The following UBAP2 variants were observed in gnomAD, a reference collection of about 807,000 sequenced individuals.
The protein encoded by UBAP2 is ubiquitin associated protein 2.
Under a neutral mutation model 139.6 loss-of-function variants are expected in UBAP2, and 75 were observed. That is an observed-to-expected ratio of 0.54 (90% CI 0.45 to 0.65). UBAP2 has a LOEUF of 0.65. Among genes scored for constraint, UBAP2 ranks in the 30% least tolerant of loss-of-function variants. UBAP2 has a pLI of 0.00. For synonymous variants in UBAP2, 526 were observed against 526.2 expected (o/e 1.00, Z 0.01); for missense variants, 1,368 against 1,369.6 (o/e 1.00, Z 0.02).
chr9:33,945,037 G>A (rs1168030942), intron 13 of UBAP2, among the ~76,000 whole-genome samples: 2 of 152,000 alleles, frequency 1.3e-5, no homozygotes, highest in Admixed American at 6.6e-5. Flanking sequence ...GGCTGAGGTG[G>A]GAGGATTGCT....
chr9:34,033,518 T>C (rs1826062369), intron 1 of UBAP2, among the ~76,000 whole-genome samples: 1 of 151,770 alleles, frequency 6.6e-6, no homozygotes, highest in Non-Finnish European at 1.5e-5. Context: ...AGTACAAAAA[T>C]AATAAGACCC....
Position 33,945,770 on chromosome 9 carries a change from C to T in UBAP2, c.1271-1131G>A, listed in dbSNP as rs79589007. On this transcript the variant is annotated intron_variant, in intron 13 of 28. Coordinates refer to ENST00000379238, the MANE Select transcript of UBAP2 (RefSeq NM_001370062.2). The stretch of plus-strand genomic sequence containing the variant: ...AATGTTCAAAGAGCTACTTCATACT[C>T]ATTTTGGTGACTACACAGAAATCTA... Among the ~76,000 whole-genome samples, 36 of 152,310 alleles carry T rather than the reference C, an allele frequency of 2.4e-4. 1 individual carries two copies. The East Asian group carries it at 6.9e-3, about 29-fold the overall frequency.
chr9:34,048,239 C>G lies in UBAP2; in HGVS notation c.-42+586G>C, dbSNP rs148124568. ...TCAAAAACCTACATTAAATAATGAA[C>G]TGTGATATAACCAGACTACAGGAAC... On this transcript the variant is annotated intron_variant, in intron 1 of 28. Transcript: ENST00000379238. Among the ~76,000 whole-genome samples, 214 of 152,314 alleles carry G rather than the reference C, an allele frequency of 1.4e-3. 1 individual carries two copies. The highest frequency in any genetic ancestry group is 4.6e-3 in the African/African-American group (190 of 41,562).
rs193209130 is a variant in UBAP2, at chr9:34,010,998, G to A, written c.99+6052C>T. Among the ~76,000 whole-genome samples the A allele has an allele frequency of 9.4e-3, 1,424 of 152,052 alleles. 9 individuals carry two copies. The highest frequency in any genetic ancestry group is 0.014 in the Non-Finnish European group (975 of 67,996). On this transcript the variant is annotated intron_variant, in intron 2 of 28. Coordinates refer to ENST00000379238, the MANE Select transcript of UBAP2 (RefSeq NM_001370062.2). The stretch of plus-strand genomic sequence containing the variant: ...ACCAGGAACAAATAATGACCCTAAA[G>A]GCAAGAATATTTAAACTTGAAAACT...
chr9:33,958,632 T>G (rs1166887036), intron 10 of UBAP2, among the ~76,000 whole-genome samples: 1 of 150,038 alleles, frequency 6.7e-6, no homozygotes, highest in Admixed American at 6.6e-5. Flanking sequence ...TGTCTTGAAC[T>G]CCTGACCTCA....
Position 34,027,778 on chromosome 9 carries a change from G to A in UBAP2, c.-41-10589C>T, listed in dbSNP as rs950723438. Among the ~76,000 whole-genome samples, 4 of 151,202 alleles carry A rather than the reference G, an allele frequency of 2.6e-5. No homozygotes were observed. The Admixed American group carries it at 2.7e-4, about 10-fold the overall frequency. ...CAGGAGACTGAGGCAGGAGAATGGT[G>A]TGAACCTGGGAGGCAAGAGCTTGCA... On this transcript the variant is annotated intron_variant, in intron 1 of 28. Transcript: ENST00000379238.
chr9:34,013,152 C>CAA (rs398010658), intron 2 of UBAP2, among the ~76,000 whole-genome samples: 1,575 of 77,858 alleles, frequency 0.02, 37 homozygotes, highest in Non-Finnish European at 0.026. Context: ...GACTCTAGCT[C>CAA]AAAAAAAAAA....
chr9:33,973,689 G>A (rs529802571), intron 6 of UBAP2, among the ~76,000 whole-genome samples: 1 of 152,140 alleles, frequency 6.6e-6, no homozygotes, highest in Non-Finnish European at 1.5e-5. Context: ...GAACAAGCAA[G>A]CAAGAAGAGA....
intron 17 of UBAP2, chr9:33,935,191 A>G (rs1341966389): frequency 3.5e-5 from 5 of 141,172 alleles, no homozygotes; most frequent in African/African-American, 1.3e-4. Flanking sequence ...TTTTCTCCCA[A>G]ATGTCCACAG....
intron 1 of UBAP2, among the ~76,000 whole-genome samples, chr9:34,036,692 A>G (rs1052664311): frequency 2.0e-5 from 3 of 152,108 alleles, no homozygotes; most frequent in Non-Finnish European, 4.4e-5. Context: ...GTGAACACCT[A>G]TAGAGTAGCA....
intron 6 of UBAP2, among the ~76,000 whole-genome samples, chr9:33,974,977 T>C (rs1828195214): frequency 6.6e-6 from 1 of 151,744 alleles, no homozygotes; most frequent in South Asian, 2.1e-4. Flanking sequence ...GACTTGAATA[T>C]GGATTTCTCC....
intron 4 of UBAP2, among the ~76,000 whole-genome samples, chr9:33,992,667 G>T (rs1031251010): frequency 7.6e-6 from 1 of 132,428 alleles, no homozygotes; most frequent in Admixed American, 8.1e-5. Context: ...GAGGGGGGGG[G>T]GCACAAATAG....
rs200331065 is a variant in UBAP2 at position 33,956,098 on chromosome 9, G to T, written c.847C>A (p.His283Asn). 1,101 of 1,613,388 alleles carry T rather than the reference G, an allele frequency of 6.8e-4. No individual in the cohort carries two copies. The highest frequency in any genetic ancestry group is 9.0e-4 in the Non-Finnish European group (1,058 of 1,179,688). ...FTASSAPAEN[H>N]ILPGQSIDLV... is the part of the protein sequence containing the mutation. ...ATTTACCTTTGCCCAGGTAAGATGT[G>T]ATTCTCTGCTGGAGCAGATGAGGCA... The change falls in exon 11 of 29, where the codon CAC (histidine) becomes AAC (asparagine). Residue 283 changes from histidine (H) to asparagine (N), a missense_variant. By Grantham distance (68) the His-to-Asn change is moderately conservative (BLOSUM62 1). Coordinates refer to ENST00000379238, the MANE Select transcript of UBAP2 (RefSeq NM_001370062.2).
chr9:33,956,039 T>C, intron 11 of UBAP2, 40 bp downstream of exon 11: 7 of 1,490,666 alleles, frequency 4.7e-6, no homozygotes, highest in Non-Finnish European at 6.4e-6. Flanking sequence ...ATTTCTGTAA[T>C]GCTTTGAATA....
intron 8 of UBAP2, among the ~76,000 whole-genome samples, chr9:33,965,579 A>G (rs1827383035): frequency 6.6e-6 from 1 of 152,176 alleles, no homozygotes; most frequent in Admixed American, 6.5e-5. Context: ...TTCAGGTTTC[A>G]TGTTTAAGTG....
intron 4 of UBAP2, among the ~76,000 whole-genome samples, chr9:33,993,394 G>T (rs560804675): frequency 2.0e-5 from 3 of 152,322 alleles, no homozygotes; most frequent in Admixed American, 6.5e-5. Flanking sequence ...CTAGGTAAGA[G>T]ATGAGGCAAA....
At chr9:34,037,431 A>G (rs1826534609) in intron 1 of UBAP2, among the ~76,000 whole-genome samples, 1 of 152,182 alleles carries the variant, frequency 6.6e-6, no homozygotes, top group South Asian at 2.1e-4. Context: ...CACTGCGCCC[A>G]GCCCATATAC....
At chr9:34,019,044 C>T (rs1444267417) in intron 1 of UBAP2, among the ~76,000 whole-genome samples, 1 of 152,092 alleles carries the variant, frequency 6.6e-6, no homozygotes, top group Admixed American at 6.6e-5. Flanking sequence ...GATATTCTAA[C>T]ACATGCTACC....
At chr9:33,988,619 T>C (rs1245852406) in intron 5 of UBAP2, among the ~76,000 whole-genome samples, 1 of 152,170 alleles carries the variant, frequency 6.6e-6, no homozygotes, top group Non-Finnish European at 1.5e-5. Context: ...CATTCTAAAA[T>C]TAACAAATGT....
Sources: gnomAD v4.1 joint callset for allele counts (sites outside exome capture counted in the v4.1 genomes callset) on GRCh38, gnomAD v4.1.1 for gene constraint, MANE v1.5 for transcripts, NCBI Gene and HGNC (gene_info 2026-07-23, HGNC 2026-07-21) for gene names.